The following NUAK2 variants were observed in gnomAD, a reference collection of about 807,000 sequenced individuals.
NUAK2 encodes the protein NUAK family kinase 2.
NUAK2 carries 20 observed loss-of-function variants against 29.8 expected under a neutral mutation model. The observed-to-expected ratio is 0.67, with a 90% CI of 0.47 to 0.98. The LOEUF is 0.98. NUAK2 is among the 50% of genes least tolerant of loss of function. The pLI is 0.00. For missense variants in NUAK2, 719 were observed against 834.5 expected (o/e 0.86, Z 1.71); for synonymous variants, 331 against 342.6 (o/e 0.97, Z 0.37).
chr1:205,305,566 T>A, intron 5 of NUAK2: 2 of 952,166 alleles, frequency 2.1e-6, no homozygotes, highest in Non-Finnish European at 2.5e-6. Flanking sequence ...GAAGGGGTGG[T>A]TGTGACAGAT....
In NUAK2 at chr1:205,319,949, ACACC is replaced by A. The variant is rs757438588; in HGVS notation, c.231+1445_231+1448del. Among the ~76,000 whole-genome samples the A allele has an allele frequency of 1.6e-3, 246 of 151,994 alleles. 2 individuals carry two copies. The highest frequency in any genetic ancestry group is 0.011 in the Admixed American group (175 of 15,260). Reference sequence around the variant, plus strand: ...TACACACACACACACACACACACACACACCCCCTCACAACCAGCACCCAACTGGA... The same window carrying A: ...TACACACACACACACACACACACACACCCTCACAACCAGCACCCAACTGGA... On this transcript the variant is annotated intron_variant, in intron 1 of 6. Coordinates refer to ENST00000367157, the MANE Select transcript of NUAK2 (RefSeq NM_030952.3).
rs771322956 is a variant in NUAK2, at chr1:205,303,974, G to A, written c.1363C>T (p.Arg455Cys). ...KKGILKKPRQ[R>C]ESGYYSSPEP... Reference sequence around the variant, plus strand: ...GGAGAGGAGTAGTAGCCAGACTCGCGCTGTCGGGGCTTCTTGAGAATGCCC... The same window carrying A: ...GGAGAGGAGTAGTAGCCAGACTCGCACTGTCGGGGCTTCTTGAGAATGCCC... Residue 455 changes from arginine to cysteine, a missense_variant, in exon 7 of 7, where the codon CGC becomes TGC. Physicochemically the swap from Arg to Cys is radical, Grantham distance 180. Transcript: ENST00000367157. The A allele has an allele frequency of 2.1e-5, 34 of 1,613,804 alleles. No homozygotes were observed. The highest frequency in any genetic ancestry group is 3.3e-5 in the South Asian group (3 of 91,090).
At chr1:205,317,588 A>G (rs552728927) in intron 1 of NUAK2, among the ~76,000 whole-genome samples, 1 of 152,126 alleles carries the variant, frequency 6.6e-6, no homozygotes, top group Non-Finnish European at 1.5e-5. Flanking sequence ...CCTCCTTGCC[A>G]TCCTCCAGCC....
intron 1 of NUAK2, among the ~76,000 whole-genome samples, chr1:205,314,121 G>T (rs1383272675): frequency 1.3e-5 from 2 of 152,226 alleles, no homozygotes; most frequent in East Asian, 3.9e-4. Flanking sequence ...GGACAAGAAT[G>T]CGGAACAGCC....
chr1:205,304,243 G>A lies in NUAK2; in HGVS notation c.1094C>T (p.Thr365Ile), dbSNP rs1231752902. Reference sequence around the variant, plus strand: ...CGAATGCTGGCGCTCCAGGCCAGGGGTGGTGCTTCCCCCACCAGGTGCATG... The same window carrying A: ...CGAATGCTGGCGCTCCAGGCCAGGGATGGTGCTTCCCCCACCAGGTGCATG... Reference protein sequence around the residue: ...KQHAPGGGSTTPGLERQHSLK... With the variant: ...KQHAPGGGSTIPGLERQHSLK... The change falls in exon 7 of 7, where the codon ACC (threonine) becomes ATC (isoleucine). Residue 365 changes from threonine to isoleucine, a missense_variant. By Grantham distance (89) the Thr-to-Ile change is moderately conservative. Transcript: ENST00000367157. This position sits in a 1 kb window ranked among gnomAD's most constrained non-coding sequence, Gnocchi z 6.5. The A allele has an allele frequency of 6.2e-7, 1 of 1,614,062 alleles. No individual in the cohort carries two copies. Among genetic ancestry groups the A allele is most frequent in the African/African-American group, 1.3e-5 (1 of 74,934 alleles).
At chr1:205,307,057 A>G (rs922839444) in intron 4 of NUAK2, among the ~76,000 whole-genome samples, 3 of 152,152 alleles carry the variant, frequency 2.0e-5, no homozygotes, top group African/African-American at 7.2e-5. Flanking sequence ...AGACTCCCTG[A>G]ACCATCTGAT....
At chr1:205,319,514 T>C (rs1416800265) in intron 1 of NUAK2, among the ~76,000 whole-genome samples, 1 of 152,044 alleles carries the variant, frequency 6.6e-6, no homozygotes, top group Non-Finnish European at 1.5e-5. Flanking sequence ...TCTCAGTCTC[T>C]GGGCCACCCC....
rs769436113 is a variant in NUAK2, at chr1:205,304,532, G to T, written c.824-19C>A. 1.3e-6 allele frequency: 2 copies of T among 1,493,914 alleles called. No homozygotes were observed. The highest frequency in any genetic ancestry group is 4.7e-5 in the East Asian group (2 of 42,912). The allele number at this position is 1,493,914 out of a possible 1,614,324, so 92.5% of individuals were successfully genotyped here. On this transcript the variant is annotated intron_variant, in intron 6 of 6. Transcript: ENST00000367157. The surrounding 1 kb of genome is among the most constrained non-coding windows in gnomAD (Gnocchi z 6.5). Reference sequence around the variant, plus strand: ...CAGGCATCTGGAAGACAAAAGGCAGGTGCTTCAGTTTGGCAGCTCCCAGAA... The same window carrying T: ...CAGGCATCTGGAAGACAAAAGGCAGTTGCTTCAGTTTGGCAGCTCCCAGAA...
At chr1:205,314,782 C>T (rs1012692938) in intron 1 of NUAK2, among the ~76,000 whole-genome samples, 4 of 152,088 alleles carry the variant, frequency 2.6e-5, no homozygotes, top group African/African-American at 9.7e-5. Context: ...TTAAGATGTA[C>T]GCATAGGCAC....
At chr1:205,307,904 A>G (rs544700288) in intron 4 of NUAK2, among the ~76,000 whole-genome samples, 26 of 152,336 alleles carry the variant, frequency 1.7e-4, no homozygotes, top group Non-Finnish European at 2.9e-4. Context: ...GAATCAGAAG[A>G]TCTTGGTTCT....
Position 205,311,844 on chromosome 1 carries a change from A to C in NUAK2, c.232-19T>G. ...TGGCCACCTGGGAAGAGAAGGCATG[A>C]GAGTGAGGAGAAAGGTTTGGCAGAG... On this transcript the variant is annotated intron_variant, in intron 1 of 6. Coordinates refer to ENST00000367157, the MANE Select transcript of NUAK2 (RefSeq NM_030952.3). 6.2e-7 allele frequency: 1 copy of C among 1,612,984 alleles called. No homozygotes were observed. Among genetic ancestry groups the C allele is most frequent in the Non-Finnish European group, 8.5e-7 (1 of 1,179,780 alleles).
At chr1:205,311,626 G>T in intron 2 of NUAK2, 79 bp downstream of exon 2, 1 of 1,541,266 alleles carries the variant, frequency 6.5e-7, no homozygotes, top group South Asian at 1.2e-5. Context: ...TGTTTCTTCT[G>T]ACACATGTAC....
chr1:205,307,089 C>T (rs1440669861), intron 4 of NUAK2, among the ~76,000 whole-genome samples: 3 of 152,186 alleles, frequency 2.0e-5, no homozygotes, highest in East Asian at 1.9e-4. Flanking sequence ...GAGAACCCAA[C>T]CCCATCGTCT....
At position 205,303,532 on chromosome 1, in the gene NUAK2, T is replaced by TCC; in HGVS notation, c.1803_1804dup (p.Asp602GlyfsTer7). ...GCAGTCTGTCAGGGAAAAGCAGCTG[T>TCC]CCCCCAAAGGATCCTGCCGCCAGCG... is the stretch of plus-strand genomic sequence containing the variant. On this transcript the variant is annotated frameshift_variant, in exon 7 of 7. Transcript: ENST00000367157. LOFTEE classifies it high-confidence loss of function. 6.2e-7 allele frequency: 1 copy of TCC among 1,613,198 alleles called. No homozygotes were observed. Among genetic ancestry groups the TCC allele is most frequent in the Non-Finnish European group, 8.5e-7 (1 of 1,179,818 alleles).
intron 1 of NUAK2, among the ~76,000 whole-genome samples, chr1:205,318,040 C>T (rs186595292): frequency 2.0e-4 from 31 of 152,258 alleles, no homozygotes; most frequent in African/African-American, 5.3e-4. Context: ...GAGAATCCCA[C>T]GAGGTAGGAA....
In NUAK2 at chr1:205,302,274, C is replaced by G. The variant is rs1216306060; in HGVS notation, c.*1176G>C. ...ATAGCATTCACATTATTGAAAACAGCAAGATTCACTTTTCCTAAAACACAA... is the reference window on the plus strand; with the variant it reads ...ATAGCATTCACATTATTGAAAACAGGAAGATTCACTTTTCCTAAAACACAA... On this transcript the variant is annotated 3_prime_UTR_variant, in exon 7 of 7. Coordinates refer to ENST00000367157, the MANE Select transcript of NUAK2 (RefSeq NM_030952.3). 1 of 152,594 alleles carries G rather than the reference C, an allele frequency of 6.6e-6. No homozygotes were observed. The highest frequency in any genetic ancestry group is 1.5e-5 in the Non-Finnish European group (1 of 68,030). The allele number at this position is 152,594 out of a possible 1,614,324, so 9.5% of individuals were successfully genotyped here.
chr1:205,306,151 ATC>A (rs747402615), intron 5 of NUAK2, 35 bp downstream of exon 5: 1 of 1,571,378 alleles, frequency 6.4e-7, no homozygotes, highest in African/African-American at 1.4e-5. Flanking sequence ...CATAGTAAAC[ATC>A]TGAGGCAGGC....
chr1:205,313,747 G>A (rs555781548), intron 1 of NUAK2, among the ~76,000 whole-genome samples: 4 of 151,966 alleles, frequency 2.6e-5, no homozygotes, highest in South Asian at 4.2e-4. Context: ...GAAATTAGCC[G>A]TACAGATGCC....
chr1:205,309,177 C>T (rs1184199599), intron 2 of NUAK2, among the ~76,000 whole-genome samples: 3 of 152,056 alleles, frequency 2.0e-5, no homozygotes, highest in Non-Finnish European at 4.4e-5. Flanking sequence ...ACCACTGTGC[C>T]TCAGTTTCCT....
Sources: allele counts gnomAD v4.1 joint callset (sites outside exome capture counted in the v4.1 genomes callset), GRCh38; gene constraint gnomAD v4.1.1; non-coding constraint Gnocchi (gnomAD v3.1); transcripts MANE v1.5; gene names NCBI Gene and HGNC (gene_info 2026-07-23, HGNC 2026-07-21).